The following DOCK3 variants were observed in gnomAD, a reference collection of about 807,000 sequenced individuals.
DOCK3 encodes dedicator of cytokinesis 3.
In DOCK3, 60 loss-of-function variants were observed where a neutral mutation model predicts 265.6. The ratio of observed to expected loss-of-function variants is 0.23; its 90% confidence interval spans 0.18 to 0.28. The LOEUF is 0.28. DOCK3 is among the 10% of genes least tolerant of loss of function. DOCK3 has a pLI of 1.00. For missense variants in DOCK3, 1,981 were observed against 2,594.3 expected (o/e 0.76, Z 5.14); for synonymous variants, 881 against 938.0 (o/e 0.94, Z 1.11).
At chr3:51,280,413 G>A (rs1321196548) in intron 27 of DOCK3, among the ~76,000 whole-genome samples, 2 of 152,154 alleles carry the variant, frequency 1.3e-5, no homozygotes, top group Non-Finnish European at 2.9e-5. Context: ...ACACTGCCAA[G>A]TTTTCCTTGA....
chr3:51,131,571 A>G (rs779014839), intron 9 of DOCK3, among the ~76,000 whole-genome samples: 1 of 152,160 alleles, frequency 6.6e-6, no homozygotes, highest in Non-Finnish European at 1.5e-5. Context: ...TAATTCAAAC[A>G]AGTCTTTTAT....
intron 4 of DOCK3, among the ~76,000 whole-genome samples, chr3:50,908,612 T>G (rs565362269): frequency 1.3e-5 from 2 of 152,044 alleles, no homozygotes; most frequent in South Asian, 4.1e-4. Context: ...TCTTTTGCAT[T>G]TGCTGAGGTG....
intron 4 of DOCK3, among the ~76,000 whole-genome samples, chr3:50,905,133 G>A (rs2049414326): frequency 6.6e-6 from 1 of 151,962 alleles, no homozygotes; most frequent in South Asian, 2.1e-4. Context: ...CTCTGTTTTT[G>A]TACCAGTACC....
intron 1 of DOCK3, among the ~76,000 whole-genome samples, chr3:50,772,709 T>A (rs773413584): frequency 6.6e-6 from 1 of 151,854 alleles, no homozygotes; most frequent in Non-Finnish European, 1.5e-5. Flanking sequence ...AAACAAAAAA[T>A]ACCTAGGAAT....
intron 4 of DOCK3, among the ~76,000 whole-genome samples, chr3:50,911,935 T>C (rs1390035388): frequency 6.6e-6 from 1 of 152,100 alleles, no homozygotes; most frequent in Admixed American, 6.5e-5. Flanking sequence ...TTTTTATAGC[T>C]ATTATACATG....
At chr3:50,761,257 T>G (rs2040515136) in intron 1 of DOCK3, among the ~76,000 whole-genome samples, 1 of 152,176 alleles carries the variant, frequency 6.6e-6, no homozygotes, top group African/African-American at 2.4e-5. Context: ...GCAACACACA[T>G]GGTACGTCAT....
At chr3:50,987,306 C>T (rs1575687077) in intron 5 of DOCK3, among the ~76,000 whole-genome samples, 1 of 152,116 alleles carries the variant, frequency 6.6e-6, no homozygotes, top group African/African-American at 2.4e-5. Flanking sequence ...TGACCTTTTA[C>T]ATTTTATTTT....
intron 5 of DOCK3, among the ~76,000 whole-genome samples, chr3:51,016,174 G>GATATATATCATATATTTCTAC (rs1184235006): frequency 0.063 from 90 of 1,432 alleles, 41 homozygotes; most frequent in Non-Finnish European, 0.099. Flanking sequence ...TTCTACATAT[G>GATATATATCATATATTTCTAC]ATATATATCA....
At chr3:51,271,111 T>A (rs2080469947) in intron 24 of DOCK3, 104 bp downstream of exon 24, 2 of 1,319,170 alleles carry the variant, frequency 1.5e-6, no homozygotes, top group Non-Finnish European at 2.1e-6. Flanking sequence ...TCCTCAACGA[T>A]TATGCAAGAA....
chr3:50,802,002 G>A (rs2043097537), intron 2 of DOCK3, among the ~76,000 whole-genome samples: 1 of 152,094 alleles, frequency 6.6e-6, no homozygotes, highest in African/African-American at 2.4e-5. Context: ...TCCAATATAA[G>A]TATAGCTATT....
At chr3:51,149,971 G>C (rs975696599) in intron 10 of DOCK3, among the ~76,000 whole-genome samples, 50 of 152,084 alleles carry the variant, frequency 3.3e-4, no homozygotes, top group African/African-American at 1.2e-3. Flanking sequence ...GTCAGTCCTG[G>C]ACTTTTTTTG....
Position 50,780,768 on chromosome 3 carries a change from T to C in DOCK3, c.121+2010T>C, listed in dbSNP as rs184825950. 2.0e-5 allele frequency among the ~76,000 whole-genome samples: 3 copies of C among 152,284 alleles called. No homozygotes were observed. In the East Asian group the frequency reaches 5.8e-4, roughly 29 times the overall value. ...AGTCATCTTATGTGGGATAGAACAT[T>C]AGAACTGATTCTTTTTATCTAGTTG... On this transcript the variant is annotated intron_variant, in intron 2 of 52. Coordinates refer to ENST00000266037, the MANE Select transcript of DOCK3 (RefSeq NM_004947.5).
chr3:51,284,932 A>T (rs929640315), intron 27 of DOCK3, among the ~76,000 whole-genome samples: 1 of 152,320 alleles, frequency 6.6e-6, no homozygotes, highest in East Asian at 1.9e-4. Flanking sequence ...TTTGCAACAG[A>T]TCCTCTTCCC....
chr3:50,782,310 A>ATTTTTTTTTT (rs1369307117), intron 2 of DOCK3, among the ~76,000 whole-genome samples: 1 of 3,630 alleles, frequency 2.8e-4, no homozygotes, highest in African/African-American at 5.2e-4. Flanking sequence ...TTTTTTTTTG[A>ATTTTTTTTTT]GACGGAGTCT....
intron 3 of DOCK3, among the ~76,000 whole-genome samples, chr3:50,860,455 A>G (rs975484798): frequency 1.3e-5 from 2 of 152,140 alleles, no homozygotes; most frequent in Non-Finnish European, 2.9e-5. Flanking sequence ...TCATACAATA[A>G]TCTGGCCACT....
At chr3:51,011,045 C>T (rs1391709064) in intron 5 of DOCK3, among the ~76,000 whole-genome samples, 3 of 152,066 alleles carry the variant, frequency 2.0e-5, no homozygotes, top group Non-Finnish European at 4.4e-5. Flanking sequence ...CTCTGGCTGC[C>T]CTTAACATGT....
intron 46 of DOCK3, 110 bp from the exon 47 acceptor site, chr3:51,360,401 T>C: frequency 1.4e-6 from 2 of 1,393,278 alleles, no homozygotes; most frequent in Non-Finnish European, 1.9e-6. Flanking sequence ...AACCATATGA[T>C]TCTTTTTTGT....
chr3:50,897,687 G>A (rs1339391899), intron 4 of DOCK3, among the ~76,000 whole-genome samples: 1 of 149,590 alleles, frequency 6.7e-6, no homozygotes, highest in Admixed American at 6.7e-5. Context: ...TTAGCCTAAA[G>A]GGGTGTAGAA....
Position 51,159,273 on chromosome 3 carries a change from T to G in DOCK3, c.858T>G (p.Asp286Glu), listed in dbSNP as rs2107509896. The G allele has an allele frequency of 6.2e-7, 1 of 1,613,600 alleles. No individual in the cohort carries two copies. Among genetic ancestry groups the G allele is most frequent in the Middle Eastern group, 1.7e-4 (1 of 6,058 alleles). The change falls in exon 11 of 53, where the codon GAT becomes GAG. Residue 286 changes from aspartate to glutamate, a missense_variant. Physicochemically the swap from Asp to Glu is conservative, Grantham distance 45. Transcript: ENST00000266037. ...TDLSSKDMKRDLYIVAHVIRI... is the reference protein window; with the variant it reads ...TDLSSKDMKRELYIVAHVIRI... ...TGAGCAGCAAAGATATGAAGAGAGA[T>G]TTGTATATCGTTGCCCATGTGATCC...
Sources: gnomAD v4.1 joint callset for allele counts (sites outside exome capture counted in the v4.1 genomes callset) on GRCh38, gnomAD v4.1.1 for gene constraint, MANE v1.5 for transcripts, NCBI Gene and HGNC (gene_info 2026-07-23, HGNC 2026-07-21) for gene names.